Variants in CTNNA3 observed in about 807,000 individuals in gnomAD.
CTNNA3 encodes catenin alpha-3.
CTNNA3 carries 76 observed loss-of-function variants against 95.7 expected under a neutral mutation model. The observed-to-expected ratio is 0.79, with a 90% CI of 0.66 to 0.96. The LOEUF (loss-of-function observed/expected upper bound fraction) is 0.96. Ranked by LOEUF, CTNNA3 falls within the 40% of genes least tolerant of loss-of-function variation. The pLI, the probability that CTNNA3 is intolerant of heterozygous loss-of-function variation, is 0.00. For synonymous variants in CTNNA3, 431 were observed against 374.4 expected (o/e 1.15, Z -1.74); for missense variants, 1,191 against 1,089.8 (o/e 1.09, Z -1.31).
chr10:66,913,238 CAAAA>C (rs1161880781), intron 7 of CTNNA3, among the ~76,000 whole-genome samples: 7 of 33,536 alleles, frequency 2.1e-4, no homozygotes, highest in East Asian at 1.5e-3. Flanking sequence ...GACTCCGTCT[CAAAA>C]AAAAAAAAAA....
At chr10:67,464,465 G>C (rs1469923808) in intron 5 of CTNNA3, among the ~76,000 whole-genome samples, 1 of 152,082 alleles carries the variant, frequency 6.6e-6, no homozygotes. Flanking sequence ...CATCCAACTT[G>C]TGTTGGTTGT....
chr10:66,969,049 G>A (rs1849583691), intron 7 of CTNNA3, among the ~76,000 whole-genome samples: 1 of 151,718 alleles, frequency 6.6e-6, no homozygotes, highest in Non-Finnish European at 1.5e-5. Flanking sequence ...AATATTATAT[G>A]TAAATATATA....
intron 11 of CTNNA3, among the ~76,000 whole-genome samples, chr10:66,397,813 TC>T (rs2092991381): frequency 6.6e-6 from 1 of 151,892 alleles, no homozygotes; most frequent in Admixed American, 6.6e-5. Flanking sequence ...CCGTGAGTTG[TC>T]CCACTGGGAT....
At chr10:67,038,793 T>C (rs1281618710) in intron 7 of CTNNA3, among the ~76,000 whole-genome samples, 6 of 152,186 alleles carry the variant, frequency 3.9e-5, no homozygotes, top group Middle Eastern at 3.4e-3. Context: ...TCTCTTTATA[T>C]TGTCTGATAC....
chr10:67,586,451 T>A (rs1842630470), intron 3 of CTNNA3, among the ~76,000 whole-genome samples: 1 of 152,160 alleles, frequency 6.6e-6, no homozygotes, highest in South Asian at 2.1e-4. Context: ...CTCTCTCTCT[T>A]TAGATCTAGT....
intron 1 of CTNNA3, among the ~76,000 whole-genome samples, chr10:67,653,229 A>G (rs1839927767): frequency 6.6e-6 from 1 of 152,200 alleles, no homozygotes; most frequent in African/African-American, 2.4e-5. Flanking sequence ...AGATCTCTCA[A>G]GAACTCACTC....
chr10:66,094,679 G>A (rs762017456), intron 14 of CTNNA3, among the ~76,000 whole-genome samples: 4 of 152,104 alleles, frequency 2.6e-5, no homozygotes, highest in Non-Finnish European at 5.9e-5. Flanking sequence ...TAGCAAATTT[G>A]ATGGACTATA....
intron 13 of CTNNA3, among the ~76,000 whole-genome samples, chr10:66,239,966 CT>C: frequency 6.6e-6 from 1 of 151,884 alleles, no homozygotes; most frequent in Non-Finnish European, 1.5e-5. Flanking sequence ...ATAGATGGAT[CT>C]ACATGGTATA....
chr10:66,392,072 CA>C (rs34103227), intron 11 of CTNNA3, among the ~76,000 whole-genome samples: 54,697 of 151,638 alleles, frequency 0.36, 11,925 homozygotes, highest in African/African-American at 0.6. Flanking sequence ...AATTTTTTTA[CA>C]AAAAAATGAA....
intron 10 of CTNNA3, among the ~76,000 whole-genome samples, chr10:66,565,284 G>A (rs757245546): frequency 2.6e-5 from 4 of 152,048 alleles, no homozygotes; most frequent in Admixed American, 6.6e-5. Context: ...ACCATTTTAC[G>A]TTCTGGGAAT....
chr10:66,833,589 TACTC>T (rs999873289), intron 7 of CTNNA3, among the ~76,000 whole-genome samples: 1 of 152,192 alleles, frequency 6.6e-6, no homozygotes, highest in Non-Finnish European at 1.5e-5. Context: ...TTCATTGACT[TACTC>T]ACCATCAACA....
At chr10:66,338,810 C>G (rs1314270144) in intron 12 of CTNNA3, among the ~76,000 whole-genome samples, 1 of 151,738 alleles carries the variant, frequency 6.6e-6, no homozygotes, top group Non-Finnish European at 1.5e-5. Context: ...TTTTTCTTTC[C>G]TTTGACCCAA....
At position 66,925,871 on chromosome 10, in the gene CTNNA3, C is replaced by T. The variant is rs1405533447; in HGVS notation, c.1048-150347G>A. ...AGAAAATGTTGCTAGTTATTGATCA[C>T]GGTGACCATTCAGTTCCTACTGAGC... is the stretch of plus-strand genomic sequence containing the variant. On this transcript the variant is annotated intron_variant, in intron 7 of 17. Transcript: ENST00000433211. 8.6e-6 allele frequency: 3 copies of T among 349,906 alleles called. No homozygotes were observed. The Admixed American group carries it at 1.1e-4, about 13-fold the overall frequency. 21.7% of individuals were successfully genotyped at this position (349,906 alleles called of 1,614,324 possible). A position where few individuals can be genotyped will look rare whatever the true frequency, so the allele number is the denominator to read the frequency against.
chr10:66,032,211 A>G (rs191631852), intron 15 of CTNNA3, among the ~76,000 whole-genome samples: 2 of 151,866 alleles, frequency 1.3e-5, no homozygotes, highest in African/African-American at 4.8e-5. Flanking sequence ...TGATTTTTTT[A>G]AAAAAATTAT....
intron 3 of CTNNA3, among the ~76,000 whole-genome samples, chr10:67,603,830 C>T (rs2133373579): frequency 6.6e-6 from 1 of 152,070 alleles, no homozygotes; most frequent in East Asian, 1.9e-4. Flanking sequence ...TTAGGGTAGC[C>T]TAAGTGTACA....
At chr10:66,203,105 A>G (rs1405719330) in intron 13 of CTNNA3, among the ~76,000 whole-genome samples, 1 of 152,214 alleles carries the variant, frequency 6.6e-6, no homozygotes, top group Non-Finnish European at 1.5e-5. Context: ...GATCAACCAT[A>G]TAGATCTATG....
chr10:67,594,173 C>A lies in CTNNA3; in HGVS notation c.292+12684G>T, dbSNP rs189529260. On this transcript the variant is annotated intron_variant, in intron 3 of 17. Transcript: ENST00000433211. The stretch of plus-strand genomic sequence containing the variant: ...TCAGTTTGCTTGTACTTTATTGAGG[C>A]TTTTTGCATCTATGTTCATGAGGTA... 1.2e-3 allele frequency among the ~76,000 whole-genome samples: 181 copies of A among 152,082 alleles called. 1 individual carries two copies. Among genetic ancestry groups the A allele is most frequent in the African/African-American group, 4.1e-3 (169 of 41,510 alleles).
intron 7 of CTNNA3, among the ~76,000 whole-genome samples, chr10:66,847,937 G>C (rs4746640): frequency 0.55 from 83,899 of 151,854 alleles, 23,825 homozygotes; most frequent in Admixed American, 0.66. Flanking sequence ...GAGACTTGAG[G>C]TATGTTATAA....
chr10:67,460,306 G>A (rs919109662), intron 5 of CTNNA3, among the ~76,000 whole-genome samples: 2 of 152,144 alleles, frequency 1.3e-5, no homozygotes, highest in African/African-American at 4.8e-5. Flanking sequence ...CATAGTCCCT[G>A]GGTGTGGAAA....
Sources: allele counts gnomAD v4.1 joint callset (sites outside exome capture counted in the v4.1 genomes callset), GRCh38; gene constraint gnomAD v4.1.1; transcripts MANE v1.5; gene names NCBI Gene and HGNC (gene_info 2026-07-23, HGNC 2026-07-21).